GPR149: variants seen among roughly 807,000 people sequenced by gnomAD.
The protein encoded by GPR149 is G protein-coupled receptor 149.
Under a neutral mutation model 50.2 loss-of-function variants are expected in GPR149, and 50 were observed. The ratio of observed to expected loss-of-function variants is 1.00; its 90% CI spans 0.79 to 1.26. The LOEUF is 1.26. Among genes scored for constraint, GPR149 ranks in the 50% most tolerant of loss-of-function variants. The pLI is 0.00. For synonymous variants in GPR149, 405 were observed against 358.2 expected (o/e 1.13, Z -1.48); for missense variants, 983 against 895.4 (o/e 1.10, Z -1.25).
chr3:154,377,470 GA>G (rs1351561656), intron 3 of GPR149, among the ~76,000 whole-genome samples: 1 of 151,584 alleles, frequency 6.6e-6, no homozygotes, highest in East Asian at 1.9e-4. Context: ...GGGTTCAAAT[GA>G]TTCTCCTGCC....
intron 3 of GPR149, among the ~76,000 whole-genome samples, chr3:154,409,840 T>C (rs1711787492): frequency 6.6e-6 from 1 of 152,154 alleles, no homozygotes; most frequent in African/African-American, 2.4e-5. Flanking sequence ...TCCCCAGTCT[T>C]GCTAGACATC....
rs1711934351 is a variant in GPR149, at chr3:154,414,564, T to G, written c.1623+6475A>C. Among the ~76,000 whole-genome samples the G allele has an allele frequency of 4.6e-5, 7 of 151,840 alleles. No homozygotes were observed. In the South Asian group the frequency reaches 1.5e-3, roughly 32 times the overall value. ...GTCTCTCCACAAGACACTTAAAAAT[T>G]ACAAGGGGGAAAAATAGAAACTTTA... On this transcript the variant is annotated intron_variant, in intron 3 of 3. Transcript: ENST00000389740.
chr3:154,352,944 GA>G, intron 3 of GPR149: 1 of 915,482 alleles, frequency 1.1e-6, no homozygotes, highest in Non-Finnish European at 1.8e-6. Flanking sequence ...CTGAGGAGGA[GA>G]ATGTTGAATC....
At chr3:154,354,453 T>A (rs1410939693) in intron 3 of GPR149, among the ~76,000 whole-genome samples, 1 of 152,226 alleles carries the variant, frequency 6.6e-6, no homozygotes, top group East Asian at 1.9e-4. Context: ...ACTGCCACCT[T>A]AGCCTCTTCA....
At chr3:154,387,198 C>T (rs1176141399) in intron 3 of GPR149, among the ~76,000 whole-genome samples, 1 of 152,172 alleles carries the variant, frequency 6.6e-6, no homozygotes, top group African/African-American at 2.4e-5. Flanking sequence ...GCAGGGTGAA[C>T]TATTATTCCT....
In GPR149 at chr3:154,428,717, C is replaced by T. The variant is rs961623370; in HGVS notation, c.899G>A (p.Arg300Lys). The stretch of plus-strand genomic sequence containing the variant: ...CTGCGCTACGCTCACGGTGAAGCTC[C>T]TGGTGCCATAGAGAGTCCCCCGGTT... ...RENRGTLYGT[R>K]SFTVSVAQKR... Residue 300 changes from arginine to lysine, a missense_variant, in exon 1 of 4, where the codon AGG (arginine) becomes AAG (lysine). Transcript: ENST00000389740. The T allele has an allele frequency of 3.7e-6, 6 of 1,614,156 alleles. No homozygotes were observed. Among genetic ancestry groups the T allele is most frequent in the Non-Finnish European group, 5.1e-6 (6 of 1,180,038 alleles).
intron 3 of GPR149, chr3:154,352,903 A>G (rs575048778): frequency 1.1e-6 from 1 of 876,334 alleles, no homozygotes; most frequent in Admixed American, 1.7e-5. Context: ...CTACCTGTGC[A>G]TCCAGAGCGA....
intron 3 of GPR149, among the ~76,000 whole-genome samples, chr3:154,367,682 T>A (rs902011547): frequency 6.6e-6 from 1 of 152,178 alleles, no homozygotes; most frequent in African/African-American, 2.4e-5. Flanking sequence ...GTACTGTCAC[T>A]CTGCTCAATA....
At chr3:154,366,610 C>A (rs1381317832) in intron 3 of GPR149, among the ~76,000 whole-genome samples, 3 of 152,192 alleles carry the variant, frequency 2.0e-5, no homozygotes, top group African/African-American at 7.2e-5. Flanking sequence ...CTTATGTTAA[C>A]TCAAGAATGT....
At chr3:154,384,644 T>C (rs944345754) in intron 3 of GPR149, among the ~76,000 whole-genome samples, 2 of 152,194 alleles carry the variant, frequency 1.3e-5, no homozygotes, top group African/African-American at 4.8e-5. Flanking sequence ...ATTTTTCAGA[T>C]GAGAAAACAC....
At chr3:154,397,753 T>A (rs1715326516) in intron 3 of GPR149, among the ~76,000 whole-genome samples, 2 of 152,276 alleles carry the variant, frequency 1.3e-5, no homozygotes, top group South Asian at 4.1e-4. Flanking sequence ...TGGGAAGAGA[T>A]GCACAGGAAA....
intron 3 of GPR149, among the ~76,000 whole-genome samples, chr3:154,419,133 G>A (rs764502406): frequency 1.3e-5 from 2 of 152,040 alleles, no homozygotes. Context: ...TTTCCTGAAA[G>A]ACTTGATCAT....
intron 3 of GPR149, among the ~76,000 whole-genome samples, chr3:154,391,190 A>C (rs1339857719): frequency 6.6e-6 from 1 of 152,066 alleles, no homozygotes; most frequent in Non-Finnish European, 1.5e-5. Context: ...TAGTGGGTAA[A>C]CTTTTAATCA....
chr3:154,406,749 A>G (rs1324838404), intron 3 of GPR149, among the ~76,000 whole-genome samples: 2 of 152,242 alleles, frequency 1.3e-5, no homozygotes, highest in Admixed American at 6.5e-5. Context: ...ATGAGTGGTT[A>G]CTTACAGAAG....
At chr3:154,363,544 A>G (rs1436822016) in intron 3 of GPR149, among the ~76,000 whole-genome samples, 9 of 151,990 alleles carry the variant, frequency 5.9e-5, no homozygotes, top group Non-Finnish European at 8.8e-5. Context: ...CCCATTTATA[A>G]GGATGTTAAT....
intron 3 of GPR149, among the ~76,000 whole-genome samples, chr3:154,385,543 C>T (rs1401836808): frequency 2.0e-5 from 3 of 152,062 alleles, no homozygotes; most frequent in Non-Finnish European, 2.9e-5. Flanking sequence ...AGGCTTTTTA[C>T]CAGCTGTGTG....
chr3:154,387,721 G>A (rs970478961), intron 3 of GPR149, among the ~76,000 whole-genome samples: 1 of 151,994 alleles, frequency 6.6e-6, no homozygotes, highest in African/African-American at 2.4e-5. Context: ...TAAAGAACCA[G>A]GGTTTCTTAT....
intron 3 of GPR149, among the ~76,000 whole-genome samples, chr3:154,399,371 G>A (rs1715367511): frequency 6.6e-6 from 1 of 152,090 alleles, no homozygotes; most frequent in Non-Finnish European, 1.5e-5. Context: ...TGTAATACTA[G>A]AAAACGAATA....
intron 2 of GPR149, 88 bp downstream of exon 2, chr3:154,427,428 C>A (rs957020659): frequency 1.7e-6 from 2 of 1,143,880 alleles, no homozygotes; most frequent in African/African-American, 3.1e-5. Flanking sequence ...CTCTCCATCC[C>A]CTACTGAGGC....
Sources: gnomAD v4.1 joint callset for allele counts (sites outside exome capture counted in the v4.1 genomes callset) on GRCh38, gnomAD v4.1.1 for gene constraint, MANE v1.5 for transcripts, NCBI Gene and HGNC (gene_info 2026-07-23, HGNC 2026-07-21) for gene names.